Variants in PNPLA3 observed in about 807,000 individuals in gnomAD.
PNPLA3 encodes patatin like domain 3, 1-acylglycerol-3-phosphate O-acyltransferase, also known as 1-acylglycerol-3-phosphate O-acyltransferase PNPLA3.
A neutral mutation model predicts 43.1 loss-of-function variants in PNPLA3; 42 were observed. The observed-to-expected ratio is 0.97, with a 90% CI of 0.76 to 1.26. The LOEUF (loss-of-function observed/expected upper bound fraction) is 1.26, where lower values mean the gene tolerates loss of function less well. PNPLA3 is among the 50% of genes most tolerant of loss of function. The pLI is 0.00. For missense variants in PNPLA3, 647 were observed against 621.4 expected (o/e 1.04, Z -0.44); for synonymous variants, 272 against 253.6 (o/e 1.07, Z -0.69).
chr22:43,937,013 C>G (rs142649367), intron 5 of PNPLA3, 38 bp from the exon 6 acceptor site: 2 of 1,545,458 alleles, frequency 1.3e-6, no homozygotes, highest in African/African-American at 2.7e-5. Flanking sequence ...ACCACTCCCA[C>G]GTTCGCCTGA....
At chr22:43,939,844 C>G in intron 6 of PNPLA3, 149 bp from the exon 7 acceptor site, 1 of 1,105,342 alleles carries the variant, frequency 9.0e-7, no homozygotes, top group Admixed American at 2.3e-5. Context: ...AGCAGCTTGG[C>G]AAACCCCACC....
chr22:43,941,964 C>G (rs984926012), intron 7 of PNPLA3, among the ~76,000 whole-genome samples: 1 of 152,158 alleles, frequency 6.6e-6, no homozygotes, highest in African/African-American at 2.4e-5. Flanking sequence ...GGCTGCTGAG[C>G]CTCCTGTGGA....
rs755847307 is a variant in PNPLA3, at chr22:43,946,108, C to T, written c.1218-46C>T. On this transcript the variant is annotated intron_variant, in intron 8 of 8. Transcript: ENST00000216180. ...CCACCGTAGCTCAGACTGCACACTG[C>T]AGCAGCGGGAACGGCCTCTAAGCCA... is the stretch of plus-strand genomic sequence containing the variant. The T allele has an allele frequency of 1.9e-6, 3 of 1,570,452 alleles. No individual in the cohort carries two copies. In the South Asian group the frequency reaches 3.3e-5, roughly 17 times the overall value.
At chr22:43,925,460 C>T (rs929480496) in intron 1 of PNPLA3, among the ~76,000 whole-genome samples, 1 of 152,146 alleles carries the variant, frequency 6.6e-6, no homozygotes, top group Non-Finnish European at 1.5e-5. Flanking sequence ...CCAGACGTCC[C>T]CAGGCAGGAG....
intron 7 of PNPLA3, among the ~76,000 whole-genome samples, chr22:43,941,921 G>A (rs1312108318): frequency 6.6e-6 from 1 of 152,214 alleles, no homozygotes; most frequent in East Asian, 1.9e-4. Context: ...AAGGTGTGAG[G>A]AGGTGCGAGT....
chr22:43,930,500 A>T (rs1002971077), intron 3 of PNPLA3, among the ~76,000 whole-genome samples: 1 of 152,016 alleles, frequency 6.6e-6, no homozygotes, highest in Non-Finnish European at 1.5e-5. Flanking sequence ...TGGTTATTTG[A>T]TCTTCCCCAG....
intron 1 of PNPLA3, among the ~76,000 whole-genome samples, chr22:43,925,182 C>T (rs935173225): frequency 6.6e-6 from 1 of 152,190 alleles, no homozygotes; most frequent in African/African-American, 2.4e-5. Context: ...TTTCCACTGA[C>T]CTAGGCCCAC....
intron 7 of PNPLA3, among the ~76,000 whole-genome samples, chr22:43,943,626 G>A (rs181414153): frequency 2.0e-5 from 3 of 152,204 alleles, no homozygotes; most frequent in East Asian, 3.9e-4. Context: ...ATCACTTCTC[G>A]TAAGGCTGCG....
At chr22:43,933,175 C>A in intron 4 of PNPLA3, 88 bp downstream of exon 4, 1 of 1,263,330 alleles carries the variant, frequency 7.9e-7, no homozygotes, top group Non-Finnish European at 1.1e-6. Context: ...ACTGTCTGCA[C>A]AATCAAACAG....
At chr22:43,932,794 G>A in intron 3 of PNPLA3, 84 bp from the exon 4 acceptor site, 1 of 1,260,710 alleles carries the variant, frequency 7.9e-7, no homozygotes, top group Non-Finnish European at 1.2e-6. Flanking sequence ...GAGAAGCTCT[G>A]CCCACATGTG....
intron 3 of PNPLA3, among the ~76,000 whole-genome samples, chr22:43,930,000 T>C (rs1027643221): frequency 2.6e-5 from 4 of 152,176 alleles, no homozygotes; most frequent in Admixed American, 1.3e-4. Context: ...CAGGAGGAAG[T>C]TTAGGCTGTA....
Position 43,923,952 on chromosome 22 carries a change from G to T in PNPLA3, c.41G>T (p.Gly14Val). ...CGCGGCTGGAGCTTGTCCTTCGCGG[G>T]CTGCGGCTTCCTGGGCTTCTACCAC... The part of the protein sequence containing the change: ...AERGWSLSFA[G>V]CGFLGFYHVG... Residue 14 changes from glycine (G) to valine (V), a missense_variant, in exon 1 of 9, where the codon GGC (glycine) becomes GTC (valine). Physicochemically the swap from Gly to Val is moderately radical, Grantham distance 109. Transcript: ENST00000216180. The T allele has an allele frequency of 6.3e-7, 1 of 1,581,898 alleles. No individual in the cohort carries two copies.
Position 43,924,032 on chromosome 22 carries a change from C to A in PNPLA3, c.121C>A (p.Arg41Ser). The change falls in exon 1 of 9, where the codon CGC becomes AGC. Residue 41 changes from arginine to serine, a missense_variant. Coordinates refer to ENST00000216180, the MANE Select transcript of PNPLA3 (RefSeq NM_025225.3). Reference protein sequence around the residue: ...EHAPHLLRDARMLFGASAGAL... With the variant: ...EHAPHLLRDASMLFGASAGAL... ...CGCCCCGCACCTCCTCCGCGACGCG[C>A]GCATGTTGTTCGGCGCTTCGGCCGG... 3.2e-6 allele frequency: 5 copies of A among 1,581,270 alleles called. No individual in the cohort carries two copies. Among genetic ancestry groups the A allele is most frequent in the Middle Eastern group, 1.7e-4 (1 of 5,984 alleles).
Position 43,946,133 on chromosome 22 carries a change from AACTTCCTCC to A in PNPLA3, c.1218-19_1218-11del. On this transcript the variant is annotated splice_polypyrimidine_tract_variant and intron_variant, in intron 8 of 8. Coordinates refer to ENST00000216180, the MANE Select transcript of PNPLA3 (RefSeq NM_025225.3). ...CAGCAGCGGGAACGGCCTCTAAGCCAACTTCCTCCATGTGTTTCAGGTCCCAAATGCCAG... is the reference window on the plus strand; with the variant it reads ...CAGCAGCGGGAACGGCCTCTAAGCCAATGTGTTTCAGGTCCCAAATGCCAG... The A allele has an allele frequency of 6.2e-7, 1 of 1,609,224 alleles. No individual in the cohort carries two copies. Among genetic ancestry groups the A allele is most frequent in the Non-Finnish European group, 8.5e-7 (1 of 1,175,910 alleles).
chr22:43,925,486 G>T (rs2146772911), intron 1 of PNPLA3, among the ~76,000 whole-genome samples: 1 of 152,216 alleles, frequency 6.6e-6, no homozygotes, highest in East Asian at 1.9e-4. Flanking sequence ...GCCCCCATTA[G>T]CCCCCTTTTA....
rs2050065071 is a variant in PNPLA3, at chr22:43,946,603, G to C, written c.*221G>C. 2.8e-6 allele frequency: 2 copies of C among 714,840 alleles called. No homozygotes were observed. Among genetic ancestry groups the C allele is most frequent in the South Asian group, 1.4e-5 (1 of 70,532 alleles). The allele number at this position is 714,840 out of a possible 1,614,324, so 44.3% of individuals were successfully genotyped here. A position where few individuals can be genotyped will look rare whatever the true frequency, so the allele number is the denominator to read the frequency against. ...TACATCAGCATGCGTTAATTCAGCT[G>C]GTTGGGAAATGACACCAGGAAGCCC... On this transcript the variant is annotated 3_prime_UTR_variant, in exon 9 of 9. Coordinates refer to ENST00000216180, the MANE Select transcript of PNPLA3 (RefSeq NM_025225.3).
intron 7 of PNPLA3, among the ~76,000 whole-genome samples, chr22:43,941,148 CAAAA>C (rs577344067): frequency 2.5e-5 from 2 of 79,908 alleles, no homozygotes; most frequent in East Asian, 3.9e-4. Flanking sequence ...AACTCCGACT[CAAAA>C]AAAAAAAAAA....
At position 43,946,604 on chromosome 22, in the gene PNPLA3, G is replaced by T. The variant is rs537933350; in HGVS notation, c.*222G>T. ...ACATCAGCATGCGTTAATTCAGCTG[G>T]TTGGGAAATGACACCAGGAAGCCCA... On this transcript the variant is annotated 3_prime_UTR_variant, in exon 9 of 9. Coordinates refer to ENST00000216180, the MANE Select transcript of PNPLA3 (RefSeq NM_025225.3). The T allele has an allele frequency of 2.1e-5, 15 of 713,222 alleles. No homozygotes were observed. The East Asian group carries it at 3.7e-4, about 18-fold the overall frequency. 44.2% of individuals were successfully genotyped at this position (713,222 alleles called of 1,614,324 possible).
intron 1 of PNPLA3, among the ~76,000 whole-genome samples, chr22:43,924,917 G>A (rs1484632244): frequency 6.6e-6 from 1 of 152,070 alleles, no homozygotes; most frequent in Non-Finnish European, 1.5e-5. Context: ...CAGAATGCTG[G>A]GGTTACAGGC....
Sources: allele counts gnomAD v4.1 joint callset (sites outside exome capture counted in the v4.1 genomes callset), GRCh38; gene constraint gnomAD v4.1.1; transcripts MANE v1.5; gene names NCBI Gene and HGNC (gene_info 2026-07-23, HGNC 2026-07-21).